Variants in LSAMP observed in about 807,000 individuals in gnomAD.
LSAMP encodes the protein limbic system associated membrane protein.
Under a neutral mutation model 38.6 loss-of-function variants are expected in LSAMP, and 7 were observed. The ratio of observed to expected loss-of-function variants is 0.18; its 90% CI spans 0.10 to 0.34. LSAMP has a LOEUF of 0.34. Ranked by LOEUF, LSAMP falls within the 10% of genes least tolerant of loss-of-function variation. LSAMP has a pLI of 1.00. For synonymous variants in LSAMP, 154 were observed against 166.8 expected (o/e 0.92, Z 0.59); for missense variants, 313 against 420.0 (o/e 0.75, Z 2.23).
chr3:115,899,888 C>G (rs984598729), intron 3 of LSAMP, among the ~76,000 whole-genome samples: 10 of 152,240 alleles, frequency 6.6e-5, no homozygotes, highest in African/African-American at 2.4e-4. Context: ...GGGACAGACC[C>G]AGTTTCCAAA....
At chr3:116,256,720 T>C (rs1576463860) in intron 1 of LSAMP, among the ~76,000 whole-genome samples, 2 of 152,148 alleles carry the variant, frequency 1.3e-5, no homozygotes, top group Non-Finnish European at 2.9e-5. Flanking sequence ...CTCTTCTGTG[T>C]GTCAGTCTCA....
chr3:115,920,227 T>G (rs1179727966), intron 3 of LSAMP, among the ~76,000 whole-genome samples: 6 of 152,218 alleles, frequency 3.9e-5, no homozygotes, highest in Non-Finnish European at 7.3e-5. Flanking sequence ...GATCATATGA[T>G]AACTCTTAAT....
At chr3:116,349,484 TAC>T (rs59773081) in intron 1 of LSAMP, among the ~76,000 whole-genome samples, 9 of 149,030 alleles carry the variant, frequency 6.0e-5, no homozygotes, top group African/African-American at 1.5e-4. Flanking sequence ...CCAAAAAAAC[TAC>T]ACACACACAC....
intron 1 of LSAMP, among the ~76,000 whole-genome samples, chr3:116,370,767 AG>A: frequency 6.6e-6 from 1 of 152,312 alleles, no homozygotes; most frequent in East Asian, 1.9e-4. Flanking sequence ...GAAATATAAC[AG>A]GGAAAATCAA....
intron 3 of LSAMP, among the ~76,000 whole-genome samples, chr3:115,890,447 G>C (rs1936569857): frequency 6.6e-6 from 1 of 151,846 alleles, no homozygotes; most frequent in Admixed American, 6.6e-5. Context: ...TTCAGGTTAA[G>C]CCTCTCTTAC....
At chr3:116,018,581 C>T (rs1219864631) in intron 3 of LSAMP, among the ~76,000 whole-genome samples, 1 of 152,068 alleles carries the variant, frequency 6.6e-6, no homozygotes, top group Non-Finnish European at 1.5e-5. Flanking sequence ...GAATAATTCA[C>T]CTATTGCCTA....
intron 2 of LSAMP, among the ~76,000 whole-genome samples, chr3:116,077,065 ATT>A (rs1299743222): frequency 6.6e-6 from 1 of 151,734 alleles, no homozygotes; most frequent in Non-Finnish European, 1.5e-5. Context: ...ATTTGTTAGT[ATT>A]GTTAATATAT....
chr3:116,124,139 A>G (rs1038521751), intron 1 of LSAMP, among the ~76,000 whole-genome samples: 1 of 152,136 alleles, frequency 6.6e-6, no homozygotes, highest in African/African-American at 2.4e-5. Flanking sequence ...ATTTTCCACA[A>G]ATGTGCAAAT....
At chr3:115,958,112 G>A (rs963143360) in intron 3 of LSAMP, among the ~76,000 whole-genome samples, 74 of 151,974 alleles carry the variant, frequency 4.9e-4, no homozygotes, top group African/African-American at 1.7e-3. Flanking sequence ...ACATACATAC[G>A]CACATAGTTT....
intron 1 of LSAMP, among the ~76,000 whole-genome samples, chr3:116,205,069 T>G (rs1049074058): frequency 1.4e-5 from 2 of 143,198 alleles, no homozygotes; most frequent in African/African-American, 5.1e-5. Flanking sequence ...GTATCCTCTT[T>G]TATTTCGTTG....
At chr3:116,366,393 G>T (rs1178817529) in intron 1 of LSAMP, among the ~76,000 whole-genome samples, 1 of 152,108 alleles carries the variant, frequency 6.6e-6, no homozygotes, top group Non-Finnish European at 1.5e-5. Flanking sequence ...TCATGAAAAT[G>T]AAGGCCAAGA....
chr3:116,384,304 T>G (rs1023399902), intron 1 of LSAMP, among the ~76,000 whole-genome samples: 2 of 152,136 alleles, frequency 1.3e-5, no homozygotes, highest in African/African-American at 4.8e-5. Flanking sequence ...TTTGACCATC[T>G]CATTCATCAA....
chr3:115,865,352 T>C (rs1011539402), intron 3 of LSAMP, among the ~76,000 whole-genome samples: 2 of 152,200 alleles, frequency 1.3e-5, no homozygotes, highest in African/African-American at 4.8e-5. Flanking sequence ...GTCAAACATA[T>C]TGTCTAACAT....
chr3:116,429,706 G>T (rs1442967858), intron 1 of LSAMP, among the ~76,000 whole-genome samples: 2 of 152,162 alleles, frequency 1.3e-5, no homozygotes, highest in Admixed American at 1.3e-4. Flanking sequence ...TTCCGGCAGG[G>T]TTCAGAGGGA....
chr3:116,081,464 A>G (rs2107410500), intron 2 of LSAMP, among the ~76,000 whole-genome samples: 1 of 152,166 alleles, frequency 6.6e-6, no homozygotes, highest in South Asian at 2.1e-4. Context: ...AAAAAAAAAA[A>G]GAGGTTGGGT....
At chr3:116,059,998 T>C (rs886267693) in intron 2 of LSAMP, among the ~76,000 whole-genome samples, 2 of 152,188 alleles carry the variant, frequency 1.3e-5, no homozygotes, top group African/African-American at 2.4e-5. Flanking sequence ...TACATACCAA[T>C]GCCTCCAGGC....
intron 1 of LSAMP, among the ~76,000 whole-genome samples, chr3:116,089,675 T>C (rs1036941617): frequency 6.6e-6 from 1 of 152,118 alleles, no homozygotes; most frequent in African/African-American, 2.4e-5. Flanking sequence ...ACATACTTTT[T>C]CCTAACTCAG....
In LSAMP at chr3:116,366,210, CAT is replaced by C. The variant is rs1464922077; in HGVS notation, c.155+78665_155+78666del. 2.0e-5 allele frequency among the ~76,000 whole-genome samples: 3 copies of C among 151,548 alleles called. No homozygotes were observed. The South Asian group carries it at 6.3e-4, about 32-fold the overall frequency. Reference sequence around the variant, plus strand: ...ATCTCATTCAAAAGTGGGCAAATAACATAAACAGACACTTCTCAAAAGAAAAC... The same window carrying C: ...ATCTCATTCAAAAGTGGGCAAATAACAAACAGACACTTCTCAAAAGAAAAC... On this transcript the variant is annotated intron_variant, in intron 1 of 6. Coordinates refer to ENST00000490035, the MANE Select transcript of LSAMP (RefSeq NM_002338.5).
At chr3:115,987,851 G>C (rs1939556427) in intron 3 of LSAMP, among the ~76,000 whole-genome samples, 1 of 152,100 alleles carries the variant, frequency 6.6e-6, no homozygotes, top group Admixed American at 6.6e-5. Context: ...TTTAAAAATT[G>C]CATGGAATGA....
Sources: allele counts gnomAD v4.1 joint callset (sites outside exome capture counted in the v4.1 genomes callset), GRCh38; gene constraint gnomAD v4.1.1; transcripts MANE v1.5; gene names NCBI Gene and HGNC (gene_info 2026-07-23, HGNC 2026-07-21).